ANO10: variants seen among roughly 807,000 people sequenced by gnomAD.
The protein encoded by ANO10 is anoctamin 10.
In ANO10, 77 loss-of-function variants were observed where a neutral mutation model predicts 74.7. The observed-to-expected ratio is 1.03, with a 90% CI of 0.86 to 1.25. The LOEUF (loss-of-function observed/expected upper bound fraction) is 1.25, where lower values mean the gene tolerates loss of function less well. ANO10 is among the 50% of genes most tolerant of loss of function. The pLI, the probability that ANO10 is intolerant of heterozygous loss-of-function variation, is 0.00. For missense variants in ANO10, 721 were observed against 778.1 expected, an observed-to-expected ratio of 0.93 and a Z score of 0.87; for synonymous variants, 279 against 284.9, an observed-to-expected ratio of 0.98 and a Z score of 0.21.
chr3:43,547,009 A>T (rs758699101), intron 11 of ANO10, among the ~76,000 whole-genome samples: 4 of 152,204 alleles, frequency 2.6e-5, no homozygotes, highest in Non-Finnish European at 4.4e-5. Context: ...AAACTTTCAA[A>T]AATTAAAGAT....
At chr3:43,572,631 T>A (rs1017483679) in intron 7 of ANO10, among the ~76,000 whole-genome samples, 2 of 152,108 alleles carry the variant, frequency 1.3e-5, no homozygotes, top group Middle Eastern at 3.2e-3. Context: ...ATCAAGGGGA[T>A]CCTGCCACAA....
chr3:43,666,021 T>G (rs936255285), intron 1 of ANO10, among the ~76,000 whole-genome samples: 5 of 152,182 alleles, frequency 3.3e-5, no homozygotes, highest in Non-Finnish European at 7.4e-5. Flanking sequence ...AAAAATATAT[T>G]AATGTAATTT....
At chr3:43,682,829 A>C (rs897417481) in intron 1 of ANO10, among the ~76,000 whole-genome samples, 7 of 152,132 alleles carry the variant, frequency 4.6e-5, no homozygotes, top group Non-Finnish European at 1.5e-5. Flanking sequence ...ACGACAAAAA[A>C]CACATGATTA....
At chr3:43,587,750 A>T (rs1411975955) in intron 4 of ANO10, among the ~76,000 whole-genome samples, 1 of 152,192 alleles carries the variant, frequency 6.6e-6, no homozygotes, top group East Asian at 1.9e-4. Flanking sequence ...AATGGGTGAC[A>T]CAGTAATATC....
intron 1 of ANO10, among the ~76,000 whole-genome samples, chr3:43,676,375 G>A (rs1393293664): frequency 1.3e-5 from 2 of 152,016 alleles, no homozygotes; most frequent in Non-Finnish European, 2.9e-5. Context: ...CAGGAGGATT[G>A]TTTAAGCATA....
intron 11 of ANO10, among the ~76,000 whole-genome samples, chr3:43,516,638 G>A (rs1441101714): frequency 6.6e-6 from 1 of 152,182 alleles, no homozygotes; most frequent in Admixed American, 6.5e-5. Context: ...TAGTAGTGAG[G>A]TGCTTACTGA....
At position 43,680,795 on chromosome 3, in the gene ANO10, T is replaced by A. The variant is rs550335272; in HGVS notation, c.-12+10722A>T. ...CCAATATTCAACATTCTTAAAAGAA[T>A]TTTCAACCCAATATTTCATATCCAG... On this transcript the variant is annotated intron_variant, in intron 1 of 3. Coordinates refer to the ANO10 transcript ENST00000413397. Among the ~76,000 whole-genome samples the A allele has an allele frequency of 2.0e-5, 3 of 152,102 alleles. No individual in the cohort carries two copies. The South Asian group carries it at 6.2e-4, about 32-fold the overall frequency.
At chr3:43,482,884 C>G (rs1369099471) in intron 11 of ANO10, among the ~76,000 whole-genome samples, 1 of 152,134 alleles carries the variant, frequency 6.6e-6, no homozygotes, top group Non-Finnish European at 1.5e-5. Context: ...GATGGGGACA[C>G]AGTCCCCACC....
intron 11 of ANO10, among the ~76,000 whole-genome samples, chr3:43,441,623 T>C (rs1364894939): frequency 6.6e-6 from 1 of 152,062 alleles, no homozygotes; most frequent in Non-Finnish European, 1.5e-5. Context: ...TCTTCCAAAA[T>C]ACTGACAAGA....
intron 11 of ANO10, among the ~76,000 whole-genome samples, chr3:43,517,561 TC>T (rs986453407): frequency 6.6e-6 from 1 of 152,152 alleles, no homozygotes; most frequent in Non-Finnish European, 1.5e-5. Flanking sequence ...GCTCACATAC[TC>T]ATTCTCTTTG....
rs184411954 is a variant in ANO10 at position 43,637,044 on chromosome 3, C to T, written c.-11-31181G>A. Among the ~76,000 whole-genome samples the T allele has an allele frequency of 1.3e-5, 2 of 152,280 alleles. 1 individual carries two copies. Among genetic ancestry groups the T allele is most frequent in the Admixed American group, 1.3e-4 (2 of 15,302 alleles). On this transcript the variant is annotated intron_variant, in intron 1 of 3. Coordinates refer to the ANO10 transcript ENST00000413397. ...AGCCAGGCAGACGTGGTGGTGCATG[C>T]CTGCAGTCCCCGCTAGCAGGAAGGC...
chr3:43,376,194 T>C (rs1039999309), intron 12 of ANO10, among the ~76,000 whole-genome samples: 1 of 152,224 alleles, frequency 6.6e-6, no homozygotes, highest in East Asian at 1.9e-4. Context: ...GAAACATTAA[T>C]AAATTATTCA....
At chr3:43,536,321 C>T (rs541412051) in intron 11 of ANO10, among the ~76,000 whole-genome samples, 11 of 152,196 alleles carry the variant, frequency 7.2e-5, no homozygotes, top group African/African-American at 2.2e-4. Context: ...GTGCCACTTC[C>T]TATTGCCCTT....
intron 11 of ANO10, among the ~76,000 whole-genome samples, chr3:43,537,922 A>T (rs373081622): frequency 2.6e-5 from 4 of 152,300 alleles, no homozygotes; most frequent in Admixed American, 6.5e-5. Context: ...ACCCTGGAGG[A>T]CTACAAAAGA....
chr3:43,527,149 G>A (rs188453593), intron 11 of ANO10, among the ~76,000 whole-genome samples: 2 of 151,808 alleles, frequency 1.3e-5, no homozygotes, highest in African/African-American at 2.4e-5. Flanking sequence ...ACTGATTTCT[G>A]GGAAAGATTT....
intron 1 of ANO10, among the ~76,000 whole-genome samples, chr3:43,665,192 G>T (rs2083974852): frequency 6.6e-6 from 1 of 152,174 alleles, no homozygotes; most frequent in Non-Finnish European, 1.5e-5. Context: ...ATACTATGCA[G>T]GCATAAAAAA....
chr3:43,656,478 G>T (rs574219020), intron 1 of ANO10, among the ~76,000 whole-genome samples: 1 of 152,360 alleles, frequency 6.6e-6, no homozygotes, highest in Admixed American at 6.5e-5. Flanking sequence ...GGAGCAGGGG[G>T]TGGTACTCGT....
At chr3:43,545,719 G>A (rs968426785) in intron 11 of ANO10, among the ~76,000 whole-genome samples, 1 of 151,850 alleles carries the variant, frequency 6.6e-6, no homozygotes, top group African/African-American at 2.4e-5. Context: ...CAGCTTTATA[G>A]AGGTATAACT....
rs184460549 is a variant in ANO10 at position 43,421,044 on chromosome 3, G to A, written c.1914+11567C>T. ...TTGAGACCAGCCTGGCCAACATGGC[G>A]AAACCCTGTCTCTACTAAAAATACA... On this transcript the variant is annotated intron_variant, in intron 12 of 12. Coordinates refer to ENST00000292246, the MANE Select transcript of ANO10 (RefSeq NM_018075.5). Among the ~76,000 whole-genome samples the A allele has an allele frequency of 2.1e-3, 315 of 152,070 alleles. 3 individuals are homozygous for A. The Middle Eastern group carries it at 0.048, about 23-fold the overall frequency.
Sources: allele counts gnomAD v4.1 joint callset (sites outside exome capture counted in the v4.1 genomes callset), GRCh38; gene constraint gnomAD v4.1.1; transcripts MANE v1.5; gene names NCBI Gene and HGNC (gene_info 2026-07-23, HGNC 2026-07-21).